Variants in ATP8B1 observed in about 807,000 individuals in gnomAD.
ATP8B1 encodes phospholipid-transporting ATPase IC.
A neutral mutation model predicts 149.9 loss-of-function variants in ATP8B1; 80 were observed. The ratio of observed to expected loss-of-function variants is 0.53; its 90% CI spans 0.45 to 0.64. The LOEUF is 0.64. Among genes scored for constraint, ATP8B1 ranks in the 30% least tolerant of loss-of-function variants. The pLI, the probability that ATP8B1 is intolerant of heterozygous loss-of-function variation, is 0.00. For synonymous variants in ATP8B1, 536 were observed against 562.8 expected, an observed-to-expected ratio of 0.95 and a Z score of 0.67; for missense variants, 1,247 against 1,552.6, an observed-to-expected ratio of 0.80 and a Z score of 3.31.
intron 1 of ATP8B1, among the ~76,000 whole-genome samples, chr18:57,776,555 T>A (rs1448669660): frequency 6.6e-6 from 1 of 152,144 alleles, no homozygotes; most frequent in East Asian, 1.9e-4. Flanking sequence ...ATCTGCCCAC[T>A]GAGGTGAGAG....
intron 1 of ATP8B1, among the ~76,000 whole-genome samples, chr18:57,749,536 A>AT (rs2123256150): frequency 6.6e-6 from 1 of 152,284 alleles, no homozygotes; most frequent in African/African-American, 2.4e-5. Context: ...GCTCTTATAT[A>AT]TTCAACATGT....
intron 1 of ATP8B1, among the ~76,000 whole-genome samples, chr18:57,782,899 G>A (rs1446569809): frequency 1.5e-5 from 2 of 132,186 alleles, no homozygotes; most frequent in Non-Finnish European, 3.1e-5. Context: ...CTGCAAACTC[G>A]CCTCCTGGGT....
chr18:57,686,386 A>T (rs542890415), intron 13 of ATP8B1, among the ~76,000 whole-genome samples: 1 of 152,104 alleles, frequency 6.6e-6, no homozygotes, highest in East Asian at 1.9e-4. Flanking sequence ...CCCAGGCTGG[A>T]GTGCAGTGGT....
intron 2 of ATP8B1, among the ~76,000 whole-genome samples, chr18:57,710,314 A>T (rs898573637): frequency 6.6e-6 from 1 of 152,240 alleles, no homozygotes; most frequent in African/African-American, 2.4e-5. Context: ...GCCATGTGAC[A>T]TGTGGCTTAA....
intron 2 of ATP8B1, among the ~76,000 whole-genome samples, chr18:57,729,831 G>A (rs319429): frequency 0.98 from 149,616 of 152,104 alleles, 73,620 homozygotes; most frequent in East Asian, 1. Context: ...GATTGCAGGC[G>A]TGAGCCACTG....
In ATP8B1 at chr18:57,685,121, A is replaced by G; in HGVS notation, c.1430-6T>C. 1 of 1,614,170 alleles carries G rather than the reference A, an allele frequency of 6.2e-7. No homozygotes were observed. Among genetic ancestry groups the G allele is most frequent in the Non-Finnish European group, 8.5e-7 (1 of 1,180,010 alleles). On this transcript the variant is annotated splice_polypyrimidine_tract_variant and splice_region_variant and intron_variant, in intron 13 of 27. Coordinates refer to ENST00000648908, the MANE Select transcript of ATP8B1 (RefSeq NM_001374385.1). The stretch of plus-strand genomic sequence containing the variant: ...AGAGGCATCCCGATGGTCCCCTGAG[A>G]AACAAACAGGACAAAACAAATTGAT...
intron 13 of ATP8B1, among the ~76,000 whole-genome samples, chr18:57,687,497 A>G (rs1912310089): frequency 6.6e-6 from 1 of 151,986 alleles, no homozygotes; most frequent in African/African-American, 2.4e-5. Flanking sequence ...AAAAATTGCA[A>G]CCTCTGGCAT....
At position 57,653,975 on chromosome 18, in the gene ATP8B1, T is replaced by C; in HGVS notation, c.3015+17A>G. On this transcript the variant is annotated intron_variant, in intron 24 of 27. Coordinates refer to ENST00000648908, the MANE Select transcript of ATP8B1 (RefSeq NM_001374385.1). ...CTCATCTGTCCAGAAGTGTCCCTGC[T>C]TGTGCGAGGCTCCTACCTGGTCGAG... is the stretch of plus-strand genomic sequence containing the variant. 2 of 1,603,366 alleles carry C rather than the reference T, an allele frequency of 1.2e-6. No homozygotes were observed. The highest frequency in any genetic ancestry group is 2.2e-5 in the South Asian group (2 of 90,850).
At chr18:57,736,051 C>T (rs418287) in intron 1 of ATP8B1, among the ~76,000 whole-genome samples, 147,130 of 150,652 alleles carry the variant, frequency 0.98, 71,936 homozygotes, top group East Asian at 1. Flanking sequence ...TCAGCTCCTG[C>T]TTATGAGTGA....
At chr18:57,716,087 G>A (rs2079580444) in intron 2 of ATP8B1, among the ~76,000 whole-genome samples, 1 of 152,130 alleles carries the variant, frequency 6.6e-6, no homozygotes, top group African/African-American at 2.4e-5. Flanking sequence ...AAAAAGCAGA[G>A]GGAGGAAGTT....
rs368203110 is a variant in ATP8B1 at position 57,803,274 on chromosome 18, C to T, written c.-302G>A. Among the ~76,000 whole-genome samples, 4 of 152,220 alleles carry T rather than the reference C, an allele frequency of 2.6e-5. No individual in the cohort carries two copies. The South Asian group carries it at 6.2e-4, about 24-fold the overall frequency. ...AGCCGCCCTTTTGCCTCCGCTCCGCCGGACCGGCCAAACTGGTTTCTCCGC... is the reference window on the plus strand; with the variant it reads ...AGCCGCCCTTTTGCCTCCGCTCCGCTGGACCGGCCAAACTGGTTTCTCCGC... On this transcript the variant is annotated 5_prime_UTR_variant, in exon 1 of 28. Coordinates refer to ENST00000648908, the MANE Select transcript of ATP8B1 (RefSeq NM_001374385.1).
chr18:57,788,429 T>C (rs1386121739), intron 1 of ATP8B1, among the ~76,000 whole-genome samples: 4 of 151,554 alleles, frequency 2.6e-5, no homozygotes, highest in Admixed American at 1.3e-4. Flanking sequence ...GTGGTGCCCA[T>C]CTGTAATCCC....
At chr18:57,686,530 C>G (rs925563540) in intron 13 of ATP8B1, among the ~76,000 whole-genome samples, 1 of 152,114 alleles carries the variant, frequency 6.6e-6, no homozygotes, top group Non-Finnish European at 1.5e-5. Context: ...AAGCGATTCT[C>G]CTGCCTCAGC....
At chr18:57,777,176 C>A (rs1182326236) in intron 1 of ATP8B1, among the ~76,000 whole-genome samples, 2 of 152,044 alleles carry the variant, frequency 1.3e-5, no homozygotes, top group Non-Finnish European at 1.5e-5. Flanking sequence ...TGGGATTTCG[C>A]TATGTTTCCC....
intron 1 of ATP8B1, among the ~76,000 whole-genome samples, chr18:57,739,029 T>A (rs1399082100): frequency 6.6e-6 from 1 of 152,120 alleles, no homozygotes; most frequent in African/African-American, 2.4e-5. Context: ...TCAGTTTCGC[T>A]CTGTTGCCCA....
chr18:57,760,197 C>G (rs1012969278), intron 1 of ATP8B1, among the ~76,000 whole-genome samples: 5 of 152,092 alleles, frequency 3.3e-5, no homozygotes, highest in African/African-American at 1.2e-4. Flanking sequence ...TTTTAATTCC[C>G]GGTAGAAATG....
chr18:57,737,270 T>G (rs2079866904), intron 1 of ATP8B1, among the ~76,000 whole-genome samples: 1 of 151,926 alleles, frequency 6.6e-6, no homozygotes. Context: ...TACTTTTATT[T>G]TTTTTTTAAT....
chr18:57,706,557 C>A lies in ATP8B1; in HGVS notation c.212G>T (p.Arg71Leu). 6.2e-7 allele frequency: 1 copy of A among 1,613,910 alleles called. No homozygotes were observed. The highest frequency in any genetic ancestry group is 8.5e-7 in the Non-Finnish European group (1 of 1,179,970). ...AAAGTGAGGTTGTTCGTGGTACTTG[C>A]GATCGTTTGCTTTGACTTGCCATGT... ...ECTWQVKAND[R>L]KYHEQPHFMN... The change falls in exon 3 of 28, where the codon CGC (arginine) becomes CTC (leucine). Residue 71 changes from arginine (R) to leucine (L), a missense_variant. Arg to Leu is a moderately radical substitution (Grantham distance 102). Transcript: ENST00000648908.
chr18:57,758,928 C>T (rs942640411), intron 1 of ATP8B1, among the ~76,000 whole-genome samples: 2 of 151,882 alleles, frequency 1.3e-5, no homozygotes, highest in African/African-American at 4.8e-5. Flanking sequence ...GAGGTTGAGG[C>T]GGGAGGATCA....
Sources: gnomAD v4.1 joint callset for allele counts (sites outside exome capture counted in the v4.1 genomes callset) on GRCh38, gnomAD v4.1.1 for gene constraint, MANE v1.5 for transcripts, NCBI Gene and HGNC (gene_info 2026-07-23, HGNC 2026-07-21) for gene names.